Variants in DCAF6 observed in about 807,000 individuals in gnomAD.
DCAF6 encodes DDB1- and CUL4-associated factor 6.
In DCAF6, 54 loss-of-function variants were observed where a neutral mutation model predicts 125.1. That is an observed-to-expected ratio of 0.43 (90% CI 0.35 to 0.54). The LOEUF is 0.54. Among genes scored for constraint, DCAF6 ranks in the 20% least tolerant of loss-of-function variants. The pLI is 0.01. For missense variants in DCAF6, 934 were observed against 1,161.7 expected (o/e 0.80, Z 2.85); for synonymous variants, 371 against 390.4 (o/e 0.95, Z 0.58).
the DCAF6 span, among the ~76,000 whole-genome samples, chr1:167,909,155 A>G: frequency 6.6e-5 from 10 of 152,180 alleles, no homozygotes; most frequent in Non-Finnish European, 1.5e-4. Context: ...TATAAATGAA[A>G]TCATACTACA....
In DCAF6 at chr1:168,075,639, T is replaced by G. The variant is rs1243731686; in HGVS notation, c.*204T>G. 5 of 484,780 alleles carry G rather than the reference T, an allele frequency of 1.0e-5. No homozygotes were observed. Among genetic ancestry groups the G allele is most frequent in the Non-Finnish European group, 1.4e-5 (4 of 279,116 alleles). 30.0% of individuals were successfully genotyped at this position (484,780 alleles called of 1,614,324 possible). ...ATAAAACAAAACTAGCAGAATGTTT[T>G]TAAAACTTTTTGCCGTGTATGAGGA... On this transcript the variant is annotated 3_prime_UTR_variant, in exon 22 of 22. Transcript: ENST00000367840.
chr1:167,997,085 A>G (rs1367126601), intron 7 of DCAF6, among the ~76,000 whole-genome samples: 1 of 152,122 alleles, frequency 6.6e-6, no homozygotes, highest in African/African-American at 2.4e-5. Flanking sequence ...AATACCTGTA[A>G]TAGTACCTGA....
At chr1:167,934,634 C>T (rs1671013137), upstream of DCAF6, among the ~76,000 whole-genome samples, 1 of 152,212 alleles carries the variant, frequency 6.6e-6, no homozygotes, top group South Asian at 2.1e-4. Flanking sequence ...CCAGTTCAGA[C>T]TCCAGAGAGC....
intron 21 of DCAF6, among the ~76,000 whole-genome samples, chr1:168,071,386 C>T (rs571001967): frequency 1.4e-4 from 22 of 152,030 alleles, no homozygotes; most frequent in Non-Finnish European, 3.1e-4. Context: ...GGTGAATCAC[C>T]TGAGGTCAGG....
the DCAF6 span, among the ~76,000 whole-genome samples, chr1:167,871,948 C>T: frequency 6.6e-6 from 1 of 152,130 alleles, no homozygotes; most frequent in Non-Finnish European, 1.5e-5. Context: ...AGCTGCACAC[C>T]AACATGGCAC....
In DCAF6 at chr1:167,984,457, A is replaced by G. The variant is rs1381490201; in HGVS notation, c.439-3038A>G. Among the ~76,000 whole-genome samples the G allele has an allele frequency of 2.0e-5, 3 of 152,206 alleles. No individual in the cohort carries two copies. The East Asian group carries it at 5.8e-4, about 29-fold the overall frequency. On this transcript the variant is annotated intron_variant, in intron 4 of 21. Transcript: ENST00000367840. ...ATTTGATTATCAAATTCAGTATTCT[A>G]GTTTTTAAAAATAAATATCCTTGGA...
the DCAF6 span, among the ~76,000 whole-genome samples, chr1:167,896,231 G>C: frequency 6.6e-6 from 1 of 152,154 alleles, no homozygotes; most frequent in Admixed American, 6.5e-5. Context: ...AATAAATAAG[G>C]GGACATGAGA....
intron 2 of DCAF6, among the ~76,000 whole-genome samples, chr1:167,955,174 C>T (rs1394210421): frequency 6.6e-6 from 1 of 152,152 alleles, no homozygotes; most frequent in Non-Finnish European, 1.5e-5. Context: ...TCTCTGTTCA[C>T]CTGTCAGTGG....
At chr1:168,033,036 A>G (rs569817214) in intron 12 of DCAF6, among the ~76,000 whole-genome samples, 2 of 152,044 alleles carry the variant, frequency 1.3e-5, no homozygotes, top group African/African-American at 2.4e-5. Flanking sequence ...TGGTTATCAC[A>G]TGTGTTTTTG....
At chr1:168,070,085 G>C (rs1382985763) in intron 21 of DCAF6, among the ~76,000 whole-genome samples, 1 of 151,870 alleles carries the variant, frequency 6.6e-6, no homozygotes, top group Non-Finnish European at 1.5e-5. Context: ...AGCAATGGTT[G>C]GTTAGTTAAT....
At position 167,953,010 on chromosome 1, in the gene DCAF6, A is replaced by G. The variant is rs146175237; in HGVS notation, c.159+1149A>G. ...ACCTTGCTGAAGATCCGCCTTGCTG[A>G]AGATATATTATTTTACCTTCATATG... On this transcript the variant is annotated intron_variant, in intron 2 of 21. Transcript: ENST00000367840. Among the ~76,000 whole-genome samples, 447 of 152,308 alleles carry G rather than the reference A, an allele frequency of 2.9e-3. 1 individual carries two copies. Among genetic ancestry groups the G allele is most frequent in the African/African-American group, 0.01 (425 of 41,564 alleles).
intron 1 of DCAF6, among the ~76,000 whole-genome samples, chr1:167,939,547 A>G (rs1671908938): frequency 6.6e-6 from 1 of 152,160 alleles, no homozygotes; most frequent in African/African-American, 2.4e-5. Flanking sequence ...TGATCACTTG[A>G]GGTCAGGAGT....
intron 12 of DCAF6, among the ~76,000 whole-genome samples, chr1:168,035,828 C>T (rs756333000): frequency 1.3e-5 from 2 of 152,042 alleles, no homozygotes; most frequent in Admixed American, 6.6e-5. Flanking sequence ...TTTGGGAGGC[C>T]GAAGTGGGTG....
chr1:167,960,446 G>A (rs903303247), intron 2 of DCAF6, among the ~76,000 whole-genome samples: 2 of 151,826 alleles, frequency 1.3e-5, no homozygotes, highest in Non-Finnish European at 2.9e-5. Flanking sequence ...TTACAGGCAC[G>A]CGCCACCATT....
At chr1:168,035,166 C>A (rs1012424574) in intron 12 of DCAF6, among the ~76,000 whole-genome samples, 4 of 152,134 alleles carry the variant, frequency 2.6e-5, no homozygotes, top group Admixed American at 1.3e-4. Context: ...TGCAGTTGGG[C>A]CAAGTGCGGT....
In DCAF6 at chr1:168,075,584, A is replaced by G. The variant is rs1007117061; in HGVS notation, c.*149A>G. 2 of 625,612 alleles carry G rather than the reference A, an allele frequency of 3.2e-6. No individual in the cohort carries two copies. Among genetic ancestry groups the G allele is most frequent in the Non-Finnish European group, 5.3e-6 (2 of 377,546 alleles). The allele number at this position is 625,612 out of a possible 1,614,324, so 38.8% of individuals were successfully genotyped here. On this transcript the variant is annotated 3_prime_UTR_variant, in exon 22 of 22. Transcript: ENST00000367840. ...TGGGATAACCTAACATTGGTTTGGA[A>G]TGATTGTGTGCATGAATTTGGGAGA...
intron 16 of DCAF6, among the ~76,000 whole-genome samples, chr1:168,047,464 A>G (rs1378458737): frequency 6.6e-6 from 1 of 152,102 alleles, no homozygotes; most frequent in Non-Finnish European, 1.5e-5. Context: ...CCTGCTTTTT[A>G]AAAATTAAAT....
the DCAF6 span, chr1:167,905,330 C>T: frequency 1.4e-6 from 1 of 728,268 alleles, no homozygotes; most frequent in Non-Finnish European, 2.3e-6. Context: ...TGTTGAGCCA[C>T]ACTTCAAAAG....
At chr1:167,880,656 T>C in the DCAF6 span, 1 of 1,416,906 alleles carries the variant, frequency 7.1e-7, no homozygotes, top group Non-Finnish European at 1.0e-6. Context: ...CAGTGTGCTT[T>C]AAACTGGACT....
Sources: allele counts gnomAD v4.1 joint callset (sites outside exome capture counted in the v4.1 genomes callset), GRCh38; gene constraint gnomAD v4.1.1; transcripts MANE v1.5; gene names NCBI Gene and HGNC (gene_info 2026-07-23, HGNC 2026-07-21).